Variants in MITF observed in about 807,000 individuals in gnomAD.
MITF encodes the protein microphthalmia-associated transcription factor.
MITF carries 17 observed loss-of-function variants against 60.5 expected under a neutral mutation model. The ratio of observed to expected loss-of-function variants is 0.28; its 90% CI spans 0.19 to 0.42. The LOEUF (loss-of-function observed/expected upper bound fraction) is 0.42. Ranked by LOEUF, MITF falls within the 10% of genes least tolerant of loss-of-function variation. The probability of loss-of-function intolerance (pLI) is 1.00; values close to 1 mark genes in which losing one functional copy is unlikely to be tolerated. For missense variants in MITF, 622 were observed against 683.5 expected (o/e 0.91, Z 1.00); for synonymous variants, 260 against 248.5 (o/e 1.05, Z -0.43).
intron 7 of MITF, among the ~76,000 whole-genome samples, chr3:69,955,585 G>A (rs913670326): frequency 2.0e-5 from 3 of 151,898 alleles, no homozygotes; most frequent in Non-Finnish European, 4.4e-5. Context: ...AGGCTGAGGC[G>A]GATAGATCAC....
chr3:69,812,713 G>T (rs147443540), intron 1 of MITF, among the ~76,000 whole-genome samples: 2 of 152,272 alleles, frequency 1.3e-5, no homozygotes, highest in African/African-American at 4.8e-5. Flanking sequence ...ATGAATTCGT[G>T]ATAAAGTTAC....
chr3:69,948,546 A>T (rs576689729), intron 5 of MITF, among the ~76,000 whole-genome samples: 28 of 139,368 alleles, frequency 2.0e-4, no homozygotes, highest in African/African-American at 6.8e-4. Context: ...ATTTCCAATT[A>T]AAAAAAAAAA....
intron 2 of MITF, among the ~76,000 whole-genome samples, chr3:69,895,848 G>GTGTA (rs60449544): frequency 1.4e-5 from 2 of 139,602 alleles, no homozygotes; most frequent in Admixed American, 1.4e-4. Context: ...GTGTGTGTGT[G>GTGTA]TATGTGTGTG....
intron 7 of MITF, among the ~76,000 whole-genome samples, chr3:69,955,189 C>A (rs1048548718): frequency 5.3e-4 from 81 of 152,170 alleles, no homozygotes; most frequent in African/African-American, 1.9e-3. Flanking sequence ...CTGGTGCCTA[C>A]TCAGACTTGA....
intron 5 of MITF, among the ~76,000 whole-genome samples, chr3:69,942,032 A>G (rs1194604837): frequency 6.6e-6 from 1 of 152,194 alleles, no homozygotes; most frequent in Non-Finnish European, 1.5e-5. Context: ...GCAAGATTAC[A>G]TAGCTTGGGT....
chr3:69,888,076 G>A (rs1007695011), intron 2 of MITF, among the ~76,000 whole-genome samples: 6 of 152,002 alleles, frequency 3.9e-5, no homozygotes, highest in Admixed American at 2.6e-4. Context: ...GTAGTTAAGA[G>A]GCCCAAAATG....
intron 2 of MITF, among the ~76,000 whole-genome samples, chr3:69,902,219 C>CT (rs112401962): frequency 1.7e-4 from 26 of 151,310 alleles, no homozygotes; most frequent in African/African-American, 3.1e-4. Context: ...TTTAGTTTTT[C>CT]TTTTTTTTTC....
intron 1 of MITF, among the ~76,000 whole-genome samples, chr3:69,789,564 A>T (rs2062705625): frequency 6.6e-6 from 1 of 152,296 alleles, no homozygotes; most frequent in Admixed American, 6.5e-5. Flanking sequence ...CTGCTACGGA[A>T]AGGAGCATAG....
At chr3:69,860,753 C>A (rs1008676366) in intron 1 of MITF, among the ~76,000 whole-genome samples, 3 of 152,088 alleles carry the variant, frequency 2.0e-5, no homozygotes, top group Non-Finnish European at 2.9e-5. Context: ...CTTAACCATT[C>A]TTTAATAATG....
intron 2 of MITF, among the ~76,000 whole-genome samples, chr3:69,931,483 C>A (rs1258274636): frequency 6.6e-6 from 1 of 152,122 alleles, no homozygotes; most frequent in African/African-American, 2.4e-5. Flanking sequence ...AATAAGCATA[C>A]TGTTTTATAG....
chr3:69,830,961 A>G (rs1371864796), intron 1 of MITF, among the ~76,000 whole-genome samples: 1 of 151,908 alleles, frequency 6.6e-6, no homozygotes. Flanking sequence ...ATCTTGCTTT[A>G]CCCTAGACCC....
chr3:69,954,417 G>A (rs1392545750), intron 7 of MITF, among the ~76,000 whole-genome samples: 1 of 152,128 alleles, frequency 6.6e-6, no homozygotes, highest in Non-Finnish European at 1.5e-5. Flanking sequence ...GCATGGACAT[G>A]GGAGGTAGTG....
chr3:69,964,806 G>A (rs761849817), intron 9 of MITF, 41 bp from the exon 10 acceptor site: 2 of 1,602,934 alleles, frequency 1.2e-6, no homozygotes, highest in African/African-American at 2.7e-5. Flanking sequence ...AGTCCTCTGT[G>A]CTCTGCCTAT....
chr3:69,773,260 A>G (rs532522315), intron 1 of MITF, among the ~76,000 whole-genome samples: 2 of 152,270 alleles, frequency 1.3e-5, no homozygotes, highest in African/African-American at 4.8e-5. Flanking sequence ...AGTTCCAGGA[A>G]TGGCAGGAGG....
At chr3:69,794,111 T>C (rs58529025) in intron 1 of MITF, among the ~76,000 whole-genome samples, 28,588 of 152,228 alleles carry the variant, frequency 0.19, 3,226 homozygotes, top group East Asian at 0.47. Context: ...GTATCTTTTC[T>C]ACAGAGTCTC....
At chr3:69,752,956 T>A (rs1355456588) in intron 1 of MITF, among the ~76,000 whole-genome samples, 3 of 152,190 alleles carry the variant, frequency 2.0e-5, no homozygotes. Context: ...TCAAGCAGGC[T>A]ACAGAAATTT....
chr3:69,822,855 A>G (rs1336079938), intron 1 of MITF, among the ~76,000 whole-genome samples: 1 of 149,768 alleles, frequency 6.7e-6, no homozygotes, highest in Non-Finnish European at 1.5e-5. Context: ...ACCCCGTCTT[A>G]TTGAGTACTT....
At chr3:69,811,243 A>C (rs1311112268) in intron 1 of MITF, among the ~76,000 whole-genome samples, 2 of 152,228 alleles carry the variant, frequency 1.3e-5, no homozygotes, top group Non-Finnish European at 2.9e-5. Context: ...ATACTTTACG[A>C]GTATTTACAT....
intron 1 of MITF, among the ~76,000 whole-genome samples, chr3:69,834,853 T>C (rs1317721547): frequency 2.0e-5 from 3 of 150,658 alleles, no homozygotes; most frequent in East Asian, 3.9e-4. Flanking sequence ...TTTCTTTTTT[T>C]TTTTTTTTTG....
Sources: allele counts gnomAD v4.1 joint callset (sites outside exome capture counted in the v4.1 genomes callset), GRCh38; gene constraint gnomAD v4.1.1; transcripts MANE v1.5; gene names NCBI Gene and HGNC (gene_info 2026-07-23, HGNC 2026-07-21).